WDR36: variants seen among roughly 807,000 people sequenced by gnomAD.
The protein encoded by WDR36 is WD repeat-containing protein 36.
Under a neutral mutation model 112.7 loss-of-function variants are expected in WDR36, and 63 were observed. That is an observed-to-expected ratio of 0.56 (90% CI 0.46 to 0.69). The LOEUF (loss-of-function observed/expected upper bound fraction) is 0.69. WDR36 is among the 30% of genes least tolerant of loss of function. The probability of loss-of-function intolerance (pLI) is 0.00; values close to 1 mark genes in which losing one functional copy is unlikely to be tolerated. For synonymous variants in WDR36, 410 were observed against 362.2 expected (o/e 1.13, Z -1.50); for missense variants, 1,226 against 1,070.3 (o/e 1.15, Z -2.03).
intron 19 of WDR36, among the ~76,000 whole-genome samples, chr5:111,123,136 A>G (rs974703886): frequency 1.3e-5 from 2 of 152,254 alleles, no homozygotes; most frequent in African/African-American, 2.4e-5. Context: ...TGAGATACTG[A>G]TATGTAGCAG....
At position 111,127,916 on chromosome 5, in the gene WDR36, T is replaced by C; in HGVS notation, c.*1033T>C. On this transcript the variant is annotated 3_prime_UTR_variant, in exon 23 of 23. Transcript: ENST00000513710. ...AAGCCAGGGTTTTTTTTATTTTGTTTTGTTTTGTTTTTTTTTTTTTTTTTT... is the reference window on the plus strand; with the variant it reads ...AAGCCAGGGTTTTTTTTATTTTGTTCTGTTTTGTTTTTTTTTTTTTTTTTT... The C allele has an allele frequency of 5.6e-6, 1 of 178,860 alleles. No homozygotes were observed. The allele number at this position is 178,860 out of a possible 1,614,324, so 11.1% of individuals were successfully genotyped here.
chr5:111,099,467 T>TG (rs1753072572), intron 4 of WDR36, among the ~76,000 whole-genome samples: 1 of 49,854 alleles, frequency 2.0e-5, no homozygotes, highest in Non-Finnish European at 4.7e-5. Flanking sequence ...TTTTTTGTTT[T>TG]TTTTTTTTTT....
In WDR36 at chr5:111,105,343, A is replaced by G. The variant is rs147566258; in HGVS notation, c.1076A>G (p.Asn359Ser). ...QSFSTVHEKFNKSLGHGLINK... is the reference protein window; with the variant it reads ...QSFSTVHEKFSKSLGHGLINK... ...TTTTCCACGGTACATGAAAAATTCA[A>G]TAAGAGCTTGGGACATGGTAGGTCC... The change falls in exon 10 of 23, where the codon AAT (asparagine) becomes AGT (serine). Residue 359 changes from asparagine (N) to serine (S), a missense_variant. By Grantham distance (46) the Asn-to-Ser change is conservative (BLOSUM62 1). Coordinates refer to ENST00000513710, the MANE Select transcript of WDR36 (RefSeq NM_139281.3). 108 of 1,609,870 alleles carry G rather than the reference A, an allele frequency of 6.7e-5. No individual in the cohort carries two copies. The highest frequency in any genetic ancestry group is 5.4e-4 in the East Asian group (24 of 44,706).
chr5:111,099,476 T>TTTTTTTTTTGTTTGTTTTG (rs1753074083), intron 4 of WDR36, among the ~76,000 whole-genome samples: 2 of 130,624 alleles, frequency 1.5e-5, no homozygotes, highest in African/African-American at 6.0e-5. Flanking sequence ...TTTTTTTTTT[T>TTTTTTTTTTGTTTGTTTTG]TTTTTTTTCA....
At chr5:111,100,955 C>T (rs1023133689) in intron 5 of WDR36, among the ~76,000 whole-genome samples, 30 of 151,808 alleles carry the variant, frequency 2.0e-4, no homozygotes, top group Non-Finnish European at 1.3e-4. Flanking sequence ...TAAAGTAGTA[C>T]AGTATAACAG....
intron 9 of WDR36, 119 bp downstream of exon 9, chr5:111,104,936 G>A (rs1383029642): frequency 6.6e-6 from 10 of 1,505,482 alleles, no homozygotes; most frequent in Admixed American, 1.7e-5. Context: ...TGACTTAGAA[G>A]TCTGGGTAAA....
intron 5 of WDR36, among the ~76,000 whole-genome samples, chr5:111,101,842 G>T (rs973729244): frequency 3.3e-5 from 5 of 151,776 alleles, no homozygotes; most frequent in African/African-American, 1.2e-4. Context: ...TTTAATACAT[G>T]ATTTAATATT....
At chr5:111,111,014 C>G (rs560107629) in intron 14 of WDR36, 61 bp downstream of exon 14, 7 of 1,592,734 alleles carry the variant, frequency 4.4e-6, no homozygotes, top group Non-Finnish European at 5.2e-6. Flanking sequence ...CATAAAGTCA[C>G]AATTTACCAA....
chr5:111,101,063 A>G (rs1753112377), intron 5 of WDR36, among the ~76,000 whole-genome samples: 1 of 151,966 alleles, frequency 6.6e-6, no homozygotes, highest in Non-Finnish European at 1.5e-5. Flanking sequence ...TGCAAATACC[A>G]CACCATTTTA....
chr5:111,111,065 C>A, intron 14 of WDR36, 105 bp from the exon 15 acceptor site: 2 of 1,548,454 alleles, frequency 1.3e-6, no homozygotes, highest in Non-Finnish European at 1.8e-6. Flanking sequence ...CAACATTTGG[C>A]TTAATTTCCC....
rs1205293004 is a variant in WDR36 at position 111,119,133 on chromosome 5, A to G, written c.1904+13A>G. 12 of 1,586,650 alleles carry G rather than the reference A, an allele frequency of 7.6e-6. No homozygotes were observed. The highest frequency in any genetic ancestry group is 4.5e-5 in the East Asian group (2 of 44,690). On this transcript the variant is annotated intron_variant, in intron 17 of 22. Transcript: ENST00000513710. ...GAATTTATCTATGGTAAGTTCTTTC[A>G]TACAGTTCTGTTTTGGGATGAAGAA... is the stretch of plus-strand genomic sequence containing the variant.
chr5:111,120,956 T>G (rs764838523), intron 18 of WDR36, 40 bp from the exon 19 acceptor site: 9 of 1,551,312 alleles, frequency 5.8e-6, no homozygotes, highest in African/African-American at 2.7e-5. Flanking sequence ...TGCTTTTATA[T>G]GATAAAAATC....
rs534748976 is a variant in WDR36, at chr5:111,111,710, C to G, written c.1716+432C>G. Among the ~76,000 whole-genome samples the G allele has an allele frequency of 4.6e-5, 7 of 151,786 alleles. No individual in the cohort carries two copies. The East Asian group carries it at 1.2e-3, about 25-fold the overall frequency. ...AGTGCTATTTCTAGAGTTTACATAT[C>G]TTAACTCTGAAAGGGTTTAATTAAT... On this transcript the variant is annotated intron_variant, in intron 15 of 22. Transcript: ENST00000513710.
intron 17 of WDR36, among the ~76,000 whole-genome samples, chr5:111,119,708 G>T (rs988059625): frequency 1.3e-5 from 2 of 151,876 alleles, no homozygotes; most frequent in African/African-American, 2.4e-5. Context: ...AGAAAAAATT[G>T]ATTTTTTATA....
At chr5:111,104,926 T>A in intron 9 of WDR36, 109 bp downstream of exon 9, 1 of 1,543,430 alleles carries the variant, frequency 6.5e-7, no homozygotes. Context: ...TCTCTTTGAG[T>A]GACTTAGAAG....
At position 111,119,017 on chromosome 5, in the gene WDR36, A is replaced by G. The variant is rs898206025; in HGVS notation, c.1801A>G (p.Ile601Val). The change falls in exon 17 of 23, where the codon ATA becomes GTA. Residue 601 changes from isoleucine (I) to valine (V), a missense_variant. Transcript: ENST00000513710. ...RTWDLPSGCLIDCFLLDSAPL... is the reference protein window; with the variant it reads ...RTWDLPSGCLVDCFLLDSAPL... Reference sequence around the variant, plus strand: ...ACATGTTAATTATTTCTGTAGCCTTATAGACTGCTTTTTGTTGGACTCGGC... The same window carrying G: ...ACATGTTAATTATTTCTGTAGCCTTGTAGACTGCTTTTTGTTGGACTCGGC... 6.2e-7 allele frequency: 1 copy of G among 1,612,324 alleles called. No homozygotes were observed. Among genetic ancestry groups the G allele is most frequent in the Admixed American group, 1.7e-5 (1 of 59,994 alleles).
intron 21 of WDR36, among the ~76,000 whole-genome samples, chr5:111,124,834 T>C (rs1753645690): frequency 6.6e-6 from 1 of 152,176 alleles, no homozygotes; most frequent in Admixed American, 6.5e-5. Flanking sequence ...CAGAGAATGA[T>C]ACTGATGAGC....
intron 12 of WDR36, 47 bp downstream of exon 12, chr5:111,107,486 A>G (rs1457174025): frequency 5.0e-6 from 8 of 1,601,132 alleles, no homozygotes; most frequent in Admixed American, 3.4e-5. Context: ...AAACTTTCCT[A>G]TGGAAATCTT....
chr5:111,092,999 G>C (rs1752899622), intron 1 of WDR36, among the ~76,000 whole-genome samples: 1 of 152,246 alleles, frequency 6.6e-6, no homozygotes, highest in Non-Finnish European at 1.5e-5. Context: ...GGTGACACGA[G>C]CTGAGTTAGA....
Sources: allele counts gnomAD v4.1 joint callset (sites outside exome capture counted in the v4.1 genomes callset), GRCh38; gene constraint gnomAD v4.1.1; transcripts MANE v1.5; gene names NCBI Gene and HGNC (gene_info 2026-07-23, HGNC 2026-07-21).